Variants in SEM1 observed in about 807,000 individuals in gnomAD.
SEM1 encodes the protein SEM1 26S proteasome subunit, also known as 26S proteasome complex subunit SEM1.
A neutral mutation model predicts 12.7 loss-of-function variants in SEM1; 3 were observed. The ratio of observed to expected loss-of-function variants is 0.24; its 90% CI spans 0.11 to 0.61. The LOEUF (loss-of-function observed/expected upper bound fraction) is 0.61, where lower values mean the gene tolerates loss of function less well. Ranked by LOEUF, SEM1 falls within the 20% of genes least tolerant of loss-of-function variation. The pLI is 0.88. For missense variants in SEM1, 59 were observed against 81.3 expected (o/e 0.73, Z 1.06); for synonymous variants, 30 against 27.8 (o/e 1.08, Z -0.25).
intron 2 of SEM1, among the ~76,000 whole-genome samples, chr7:96,574,384 C>T (rs1027176067): frequency 3.1e-4 from 27 of 86,580 alleles, no homozygotes; most frequent in Non-Finnish European, 6.6e-4. Context: ...TGAATAGTGC[C>T]GCAATAAACA....
intron 2 of SEM1, among the ~76,000 whole-genome samples, chr7:96,665,822 C>G (rs1397300241): frequency 6.6e-6 from 1 of 152,184 alleles, no homozygotes; most frequent in Non-Finnish European, 1.5e-5. Flanking sequence ...TAAGGTTGAG[C>G]TGACAACCTG....
At chr7:96,516,924 A>G (rs564638833) in intron 2 of SEM1, among the ~76,000 whole-genome samples, 1 of 152,182 alleles carries the variant, frequency 6.6e-6, no homozygotes, top group Admixed American at 6.6e-5. Flanking sequence ...CCATGAAAAG[A>G]TGTGGAAGAA....
At chr7:96,669,071 C>T (rs1021893652), downstream of SEM1, among the ~76,000 whole-genome samples, 7 of 152,236 alleles carry the variant, frequency 4.6e-5, no homozygotes, top group Admixed American at 4.6e-4. Flanking sequence ...TAATTTCAGA[C>T]TTCTAGGATT....
At chr7:96,665,530 C>T (rs1034812648) in intron 2 of SEM1, among the ~76,000 whole-genome samples, 2 of 152,124 alleles carry the variant, frequency 1.3e-5, no homozygotes, top group African/African-American at 4.8e-5. Flanking sequence ...GAAAAATACT[C>T]TTTTTATGGT....
intron 2 of SEM1, among the ~76,000 whole-genome samples, chr7:96,536,301 G>A (rs905382597): frequency 6.6e-6 from 1 of 151,578 alleles, no homozygotes; most frequent in East Asian, 1.9e-4. Flanking sequence ...TACTTTTTAT[G>A]ATTTCTATAC....
At chr7:96,708,357 C>G (rs1209986016) in intron 1 of SEM1, 2 of 152,190 alleles carry the variant, frequency 1.3e-5, no homozygotes, top group African/African-American at 4.8e-5. Flanking sequence ...CACTAATGTT[C>G]TCTTCCACTA....
At position 96,646,538 on chromosome 7, in the gene SEM1, T is replaced by C. The variant is rs541083391; in HGVS notation, c.171-23895A>G. 3.9e-5 allele frequency among the ~76,000 whole-genome samples: 6 copies of C among 152,308 alleles called. No individual in the cohort carries two copies. The South Asian group carries it at 1.2e-3, about 32-fold the overall frequency. On this transcript the variant is annotated intron_variant, in intron 2 of 2. Coordinates refer to the SEM1 transcript ENST00000417009. ...TTCCAAAAGCTTAGATTTTTAAATA[T>C]ACAAACTATACATGTAAGATTTTTT...
At position 96,584,448 on chromosome 7, in the gene SEM1, G is replaced by A. The variant is rs938839193; in HGVS notation, c.171-77750C>T. 3.9e-5 allele frequency among the ~76,000 whole-genome samples: 6 copies of A among 151,904 alleles called. 1 individual carries two copies. Among genetic ancestry groups the A allele is most frequent in the Admixed American group, 3.3e-4 (5 of 15,244 alleles). On this transcript the variant is annotated intron_variant and NMD_transcript_variant, in intron 2 of 3. Transcript: ENST00000466986. ...GGTGAATCTGACAATTATGTGTCTTGGAGTTGCTCTTCTCGAGGAGTATCT... is the reference window on the plus strand; with the variant it reads ...GGTGAATCTGACAATTATGTGTCTTAGAGTTGCTCTTCTCGAGGAGTATCT...
intron 2 of SEM1, among the ~76,000 whole-genome samples, chr7:96,586,351 G>A (rs1212715033): frequency 6.6e-6 from 1 of 152,084 alleles, no homozygotes; most frequent in Non-Finnish European, 1.5e-5. Context: ...ACATGTCCCA[G>A]CAAAGAAGAT....
chr7:96,572,000 G>A (rs1314097470), intron 2 of SEM1, among the ~76,000 whole-genome samples: 1 of 151,958 alleles, frequency 6.6e-6, no homozygotes, highest in East Asian at 1.9e-4. Context: ...ACTTCTTCCT[G>A]GTTTAGTCTT....
intron 3 of SEM1, among the ~76,000 whole-genome samples, chr7:96,505,943 T>C (rs1803742198): frequency 6.8e-6 from 1 of 147,838 alleles, no homozygotes; most frequent in African/African-American, 2.5e-5. Flanking sequence ...AATACTTGAT[T>C]CTTTCTGTTT....
At chr7:96,506,496 A>G (rs1350826725) in intron 3 of SEM1, 2 of 152,100 alleles carry the variant, frequency 1.3e-5, no homozygotes, top group East Asian at 3.9e-4. Flanking sequence ...CTGTTAGAAA[A>G]CTTCAAAATG....
intron 2 of SEM1, among the ~76,000 whole-genome samples, chr7:96,602,209 G>A (rs1443793029): frequency 6.6e-6 from 1 of 152,170 alleles, no homozygotes; most frequent in Non-Finnish European, 1.5e-5. Flanking sequence ...AATGACATAA[G>A]CCTGAATAAC....
intron 1 of SEM1, among the ~76,000 whole-genome samples, chr7:96,707,361 T>C (rs1563122822): frequency 6.6e-6 from 1 of 152,228 alleles, no homozygotes; most frequent in Admixed American, 6.5e-5. Flanking sequence ...TGAGTAAATA[T>C]TGAGTGGTTT....
intron 2 of SEM1, among the ~76,000 whole-genome samples, chr7:96,680,877 G>C (rs1362141281): frequency 6.6e-6 from 1 of 152,092 alleles, no homozygotes; most frequent in Non-Finnish European, 1.5e-5. Flanking sequence ...GACACACAAG[G>C]AGTTGGCTAT....
intron 2 of SEM1, among the ~76,000 whole-genome samples, chr7:96,628,366 G>A (rs2116321732): frequency 6.6e-6 from 1 of 152,050 alleles, no homozygotes; most frequent in South Asian, 2.1e-4. Context: ...TTCCTCTGGT[G>A]ATATAATTTA....
chr7:96,489,739 G>A (rs1483406530), intron 1 of SEM1, among the ~76,000 whole-genome samples: 2 of 152,114 alleles, frequency 1.3e-5, no homozygotes, highest in African/African-American at 2.4e-5. Context: ...CTCCAGCTGT[G>A]GCCAGCAATG....
chr7:96,630,361 C>G (rs762784719), intron 2 of SEM1, among the ~76,000 whole-genome samples: 2 of 152,184 alleles, frequency 1.3e-5, no homozygotes, highest in Non-Finnish European at 2.9e-5. Context: ...GTCCTTCCCA[C>G]TCTTCCCACC....
chr7:96,697,848 G>A lies in SEM1; in HGVS notation c.77-2957C>T, dbSNP rs563523988. On this transcript the variant is annotated intron_variant, in intron 1 of 2. Coordinates refer to ENST00000248566, the MANE Select transcript of SEM1 (RefSeq NM_006304.2). ...ATAAATTTACAAGTGTTCCTGCTGA[G>A]GGTGTATGAAACAAATTATTTTTTT... Among the ~76,000 whole-genome samples, 8 of 152,242 alleles carry A rather than the reference G, an allele frequency of 5.3e-5. No homozygotes were observed. In the South Asian group the frequency reaches 1.0e-3, roughly 20 times the overall value.
Sources: allele counts gnomAD v4.1 joint callset (sites outside exome capture counted in the v4.1 genomes callset), GRCh38; gene constraint gnomAD v4.1.1; transcripts MANE v1.5; gene names NCBI Gene and HGNC (gene_info 2026-07-23, HGNC 2026-07-21).